AUTS2: variants seen among roughly 807,000 people sequenced by gnomAD.
AUTS2 encodes activator of transcription and developmental regulator AUTS2.
Under a neutral mutation model 112.4 loss-of-function variants are expected in AUTS2, and 17 were observed. The observed-to-expected ratio is 0.15, with a 90% CI of 0.10 to 0.23. The LOEUF is 0.23. Ranked by LOEUF, AUTS2 falls within the 10% of genes least tolerant of loss-of-function variation. The probability of loss-of-function intolerance (pLI) is 1.00; values close to 1 mark genes in which losing one functional copy is unlikely to be tolerated. For missense variants in AUTS2, 1,510 were observed against 1,701.6 expected (o/e 0.89, Z 1.98); for synonymous variants, 751 against 702.7 (o/e 1.07, Z -1.09).
chr7:70,340,839 G>C (rs1298735775), intron 4 of AUTS2, among the ~76,000 whole-genome samples: 2 of 152,240 alleles, frequency 1.3e-5, no homozygotes. Flanking sequence ...CGCCTGCCAA[G>C]GGGACTGCAA....
chr7:70,180,891 T>C (rs766832483), intron 4 of AUTS2, among the ~76,000 whole-genome samples: 2 of 152,170 alleles, frequency 1.3e-5, no homozygotes, highest in Non-Finnish European at 2.9e-5. Flanking sequence ...TTTTATAAAA[T>C]TTATTATTAA....
rs1447348940 is a variant in AUTS2, at chr7:70,536,830, G to A, written c.690+101049G>A. On this transcript the variant is annotated intron_variant, in intron 5 of 18. Coordinates refer to ENST00000342771, the MANE Select transcript of AUTS2 (RefSeq NM_015570.4). ...CAGGTGAATCGCTTGAACCCAGGAG[G>A]TGGAGGTTGCGGTGAGCTGAGATTG... Among the ~76,000 whole-genome samples the A allele has an allele frequency of 3.9e-5, 6 of 152,114 alleles. No individual in the cohort carries two copies. The South Asian group carries it at 1.2e-3, about 32-fold the overall frequency.
At chr7:70,302,545 C>G (rs1789266230) in intron 4 of AUTS2, among the ~76,000 whole-genome samples, 1 of 151,780 alleles carries the variant, frequency 6.6e-6, no homozygotes, top group African/African-American at 2.4e-5. Context: ...GCATCCTTTT[C>G]CTCTCCTCTC....
intron 4 of AUTS2, among the ~76,000 whole-genome samples, chr7:70,244,541 A>G (rs1812797303): frequency 6.6e-6 from 1 of 152,222 alleles, no homozygotes; most frequent in African/African-American, 2.4e-5. Flanking sequence ...AAAGATGCTC[A>G]GTAATCATGC....
At chr7:69,656,469 CTCTT>C (rs1795545467) in intron 1 of AUTS2, among the ~76,000 whole-genome samples, 1 of 151,108 alleles carries the variant, frequency 6.6e-6, no homozygotes, top group South Asian at 2.1e-4. Context: ...CTTTTTTTTT[CTCTT>C]TCAGACTATT....
At chr7:70,063,188 C>CA (rs1165735582) in intron 2 of AUTS2, among the ~76,000 whole-genome samples, 2 of 151,336 alleles carry the variant, frequency 1.3e-5, no homozygotes, top group Non-Finnish European at 2.9e-5. Flanking sequence ...ATATGATCAC[C>CA]AAAAAAATTT....
Position 69,899,378 on chromosome 7 carries a change from C to A in AUTS2, c.402C>A (p.Ser134=). The stretch of plus-strand genomic sequence containing the variant: ...GAGAAGCACTTACCAATGGCTTGTC[C>A]TTTCATTCAAAGAAGAGCAGACTCA... The part of the protein sequence containing the change: ...KKREALTNGL[S]FHSKKSRLSH... Residue 134 remains serine, a synonymous_variant, in exon 2 of 19, where the codon TCC becomes TCA. Transcript: ENST00000342771. 1 of 1,614,044 alleles carries A rather than the reference C, an allele frequency of 6.2e-7. No individual in the cohort carries two copies. Among genetic ancestry groups the A allele is most frequent in the Non-Finnish European group, 8.5e-7 (1 of 1,179,936 alleles).
At chr7:70,026,149 T>A (rs186864011) in intron 2 of AUTS2, among the ~76,000 whole-genome samples, 60 of 152,308 alleles carry the variant, frequency 3.9e-4, no homozygotes, top group African/African-American at 1.4e-3. Context: ...GGGTGGTACC[T>A]ACTACTACTT....
At chr7:70,506,597 C>G (rs1206868970) in intron 5 of AUTS2, among the ~76,000 whole-genome samples, 1 of 152,146 alleles carries the variant, frequency 6.6e-6, no homozygotes, top group Non-Finnish European at 1.5e-5. Flanking sequence ...TAATTATTCT[C>G]AGCTGTTCTG....
intron 1 of AUTS2, among the ~76,000 whole-genome samples, chr7:69,895,614 C>G (rs1171971392): frequency 2.0e-5 from 3 of 147,062 alleles, no homozygotes; most frequent in Non-Finnish European, 4.5e-5. Flanking sequence ...GCTAAGACTT[C>G]AGCAGGTCTC....
intron 6 of AUTS2, among the ~76,000 whole-genome samples, chr7:70,709,583 C>T (rs191820808): frequency 8.8e-4 from 134 of 152,220 alleles, no homozygotes; most frequent in African/African-American, 3.2e-3. Context: ...TGGTGGCACA[C>T]GCCTGTAATC....
chr7:70,775,763 T>G (rs1563190603), intron 13 of AUTS2, among the ~76,000 whole-genome samples: 1 of 152,214 alleles, frequency 6.6e-6, no homozygotes, highest in Non-Finnish European at 1.5e-5. Flanking sequence ...GGTGGCTCCC[T>G]CTTTCTGTAG....
chr7:70,039,195 T>C lies in AUTS2; in HGVS notation c.523-78937T>C, dbSNP rs1801138934. The stretch of plus-strand genomic sequence containing the variant: ...AGCAACCCACGAATTTTACCTATTG[T>C]CAGCATTGTTTAGATCACCTTTATT... On this transcript the variant is annotated intron_variant, in intron 2 of 18. Transcript: ENST00000342771. 2.6e-5 allele frequency among the ~76,000 whole-genome samples: 4 copies of C among 152,204 alleles called. No homozygotes were observed. The South Asian group carries it at 8.3e-4, about 31-fold the overall frequency.
At chr7:70,006,823 G>T (rs557806025) in intron 2 of AUTS2, among the ~76,000 whole-genome samples, 19 of 152,216 alleles carry the variant, frequency 1.2e-4, no homozygotes, top group Non-Finnish European at 1.9e-4. Flanking sequence ...CTGTGCACAA[G>T]CCCCATCTCT....
rs1486863431 is a variant in AUTS2, at chr7:70,013,348, A to T, written c.523-104784A>T. ...TTAAAACTCAAAGCAGCCAGCAGAG[A>T]TGAGAAGGATCTCCAGCCTGGGAGC... On this transcript the variant is annotated intron_variant, in intron 2 of 18. Coordinates refer to ENST00000342771, the MANE Select transcript of AUTS2 (RefSeq NM_015570.4). 3.9e-5 allele frequency among the ~76,000 whole-genome samples: 6 copies of T among 152,330 alleles called. No individual in the cohort carries two copies. The East Asian group carries it at 9.7e-4, about 25-fold the overall frequency.
intron 1 of AUTS2, among the ~76,000 whole-genome samples, chr7:69,688,108 A>G (rs928848960): frequency 3.9e-5 from 6 of 152,276 alleles, no homozygotes; most frequent in African/African-American, 1.4e-4. Flanking sequence ...TGAACAATTT[A>G]TGAAACTTAT....
chr7:70,039,860 C>T (rs537267301), intron 2 of AUTS2, among the ~76,000 whole-genome samples: 18 of 152,304 alleles, frequency 1.2e-4, no homozygotes, highest in South Asian at 4.1e-4. Flanking sequence ...TCATTCAGTG[C>T]ATGCTAAGTA....
At chr7:69,962,791 AAG>A (rs778594767) in intron 2 of AUTS2, among the ~76,000 whole-genome samples, 4 of 152,070 alleles carry the variant, frequency 2.6e-5, no homozygotes, top group African/African-American at 7.2e-5. Flanking sequence ...AGGGCTGAAA[AAG>A]AGAGAGAAAG....
intron 4 of AUTS2, among the ~76,000 whole-genome samples, chr7:70,382,920 G>C (rs1405213891): frequency 6.6e-6 from 1 of 152,128 alleles, no homozygotes; most frequent in Non-Finnish European, 1.5e-5. Context: ...ACCTGAAGCT[G>C]TATCACCCAG....
Sources: gnomAD v4.1 joint callset for allele counts (sites outside exome capture counted in the v4.1 genomes callset) on GRCh38, gnomAD v4.1.1 for gene constraint, MANE v1.5 for transcripts, NCBI Gene and HGNC (gene_info 2026-07-23, HGNC 2026-07-21) for gene names.